Variants in CTNND2 observed in about 807,000 individuals in gnomAD.
The protein encoded by CTNND2 is catenin delta 2, also known as catenin delta-2.
In CTNND2, 22 loss-of-function variants were observed where a neutral mutation model predicts 144.4. The ratio of observed to expected loss-of-function variants is 0.15; its 90% confidence interval spans 0.11 to 0.22. CTNND2 has a LOEUF of 0.22. CTNND2 is among the 10% of genes least tolerant of loss of function. The pLI is 1.00. For missense variants in CTNND2, 1,353 were observed against 1,618.8 expected (o/e 0.84, Z 2.82); for synonymous variants, 751 against 695.6 (o/e 1.08, Z -1.25).
intron 1 of CTNND2, among the ~76,000 whole-genome samples, chr5:11,796,748 T>C (rs1791424866): frequency 6.6e-6 from 1 of 152,206 alleles, no homozygotes. Flanking sequence ...ATTACAAAAA[T>C]CTATATAAAA....
chr5:11,811,738 C>T (rs4702831), intron 1 of CTNND2, among the ~76,000 whole-genome samples: 122,629 of 152,014 alleles, frequency 0.81, 53,651 homozygotes, highest in Non-Finnish European at 0.97. Context: ...AGATCAGCAA[C>T]ATCACAGGAT....
intron 11 of CTNND2, among the ~76,000 whole-genome samples, chr5:11,171,034 T>A (rs1446812324): frequency 6.6e-6 from 1 of 152,136 alleles, no homozygotes; most frequent in Non-Finnish European, 1.5e-5. Flanking sequence ...ATGGGGTCCC[T>A]CCCATGACAT....
At chr5:11,584,170 T>A (rs1431608220) in intron 2 of CTNND2, among the ~76,000 whole-genome samples, 3 of 152,146 alleles carry the variant, frequency 2.0e-5, no homozygotes, top group Admixed American at 2.0e-4. Flanking sequence ...TGAAATGAAC[T>A]GAGGCAGATA....
chr5:11,823,986 G>C (rs774571384), intron 1 of CTNND2, among the ~76,000 whole-genome samples: 8 of 149,530 alleles, frequency 5.4e-5, no homozygotes, highest in Non-Finnish European at 1.2e-4. Context: ...CGGGATGCCT[G>C]TAATTCCAGC....
At chr5:11,704,122 G>A (rs1785584395) in intron 2 of CTNND2, among the ~76,000 whole-genome samples, 1 of 152,138 alleles carries the variant, frequency 6.6e-6, no homozygotes, top group Non-Finnish European at 1.5e-5. Context: ...ATGACTAGAA[G>A]ACTAGATGTA....
chr5:11,539,510 A>G (rs2727602), intron 3 of CTNND2, among the ~76,000 whole-genome samples: 113,451 of 152,166 alleles, frequency 0.75, 42,837 homozygotes, highest in African/African-American at 0.86. Context: ...TATTTCAGTC[A>G]CTCTGTACTG....
intron 16 of CTNND2, among the ~76,000 whole-genome samples, chr5:11,035,166 T>G (rs768580394): frequency 2.6e-5 from 4 of 151,996 alleles, no homozygotes; most frequent in Non-Finnish European, 5.9e-5. Flanking sequence ...ACAGGTTCAG[T>G]GCTTTAAAAC....
intron 11 of CTNND2, among the ~76,000 whole-genome samples, chr5:11,163,419 C>T (rs1041241161): frequency 2.0e-5 from 3 of 152,190 alleles, no homozygotes; most frequent in Admixed American, 2.0e-4. Flanking sequence ...TGAGCCAGGA[C>T]CACCCAAATC....
At chr5:11,901,699 G>T (rs762779545) in intron 1 of CTNND2, among the ~76,000 whole-genome samples, 3 of 152,102 alleles carry the variant, frequency 2.0e-5, no homozygotes, top group Non-Finnish European at 4.4e-5. Context: ...TACCACAATT[G>T]CCATTCAATC....
chr5:11,573,987 A>T (rs1276574399), intron 2 of CTNND2, among the ~76,000 whole-genome samples: 1 of 152,188 alleles, frequency 6.6e-6, no homozygotes, highest in Non-Finnish European at 1.5e-5. Flanking sequence ...AAGATGATGT[A>T]TAATTCCATT....
intron 1 of CTNND2, among the ~76,000 whole-genome samples, chr5:11,811,215 G>C (rs1792314844): frequency 6.6e-6 from 1 of 152,158 alleles, no homozygotes; most frequent in Admixed American, 6.6e-5. Context: ...CAACTCCAAA[G>C]ACCAGGCTCT....
At chr5:11,286,643 G>A (rs1339060089) in intron 9 of CTNND2, among the ~76,000 whole-genome samples, 1 of 152,110 alleles carries the variant, frequency 6.6e-6, no homozygotes, top group African/African-American at 2.4e-5. Flanking sequence ...TAATGCAGAG[G>A]GAAACAACCA....
chr5:10,981,179 AGAG>A (rs1055917181), intron 21 of CTNND2, among the ~76,000 whole-genome samples: 1 of 152,256 alleles, frequency 6.6e-6, no homozygotes, highest in African/African-American at 2.4e-5. Flanking sequence ...GTTAGGAGCC[AGAG>A]AAGAATCTCT....
chr5:10,994,255 G>GT (rs1450396465), intron 18 of CTNND2, among the ~76,000 whole-genome samples: 2 of 104,162 alleles, frequency 1.9e-5, no homozygotes, highest in African/African-American at 4.0e-5. Flanking sequence ...GAGGAGCGGG[G>GT]TGGGGGGAGA....
intron 3 of CTNND2, among the ~76,000 whole-genome samples, chr5:11,421,988 C>G (rs1444342704): frequency 6.6e-6 from 1 of 152,120 alleles, no homozygotes; most frequent in Non-Finnish European, 1.5e-5. Context: ...TAGAACATTT[C>G]CAGGAACATA....
At chr5:11,598,353 T>A (rs1779621991) in intron 2 of CTNND2, among the ~76,000 whole-genome samples, 3 of 152,136 alleles carry the variant, frequency 2.0e-5, no homozygotes, top group African/African-American at 7.2e-5. Context: ...TGAGGAGAAA[T>A]TCCAGCTTCC....
intron 9 of CTNND2, among the ~76,000 whole-genome samples, chr5:11,329,544 G>A (rs1752872687): frequency 1.3e-5 from 2 of 152,188 alleles, no homozygotes; most frequent in Admixed American, 1.3e-4. Flanking sequence ...TACATTTGGG[G>A]ACAGAATTCA....
chr5:11,277,853 T>G (rs1376580344), intron 9 of CTNND2, among the ~76,000 whole-genome samples: 2 of 152,148 alleles, frequency 1.3e-5, no homozygotes, highest in African/African-American at 4.8e-5. Flanking sequence ...TTATGCTGTC[T>G]GACTTGGGAA....
intron 18 of CTNND2, among the ~76,000 whole-genome samples, chr5:11,017,451 G>A (rs1741731709): frequency 6.6e-6 from 1 of 151,870 alleles, no homozygotes; most frequent in Non-Finnish European, 1.5e-5. Flanking sequence ...GGGGCTTAGT[G>A]ACGTGGGCCA....
Sources: gnomAD v4.1 joint callset for allele counts (sites outside exome capture counted in the v4.1 genomes callset) on GRCh38, gnomAD v4.1.1 for gene constraint, MANE v1.5 for transcripts, NCBI Gene and HGNC (gene_info 2026-07-23, HGNC 2026-07-21) for gene names.